Variants in ERMARD observed in about 807,000 individuals in gnomAD.
The protein encoded by ERMARD is ER membrane associated RNA degradation, also known as endoplasmic reticulum membrane-associated RNA degradation protein.
In ERMARD, 71 loss-of-function variants were observed where a neutral mutation model predicts 83.9. The observed-to-expected ratio is 0.85, with a 90% CI of 0.70 to 1.03. The LOEUF (loss-of-function observed/expected upper bound fraction) is 1.03. Ranked by LOEUF, ERMARD falls within the 50% of genes least tolerant of loss-of-function variation. The pLI, the probability that ERMARD is intolerant of heterozygous loss-of-function variation, is 0.00. For synonymous variants in ERMARD, 284 were observed against 298.6 expected (o/e 0.95, Z 0.50); for missense variants, 838 against 810.9 (o/e 1.03, Z -0.41).
intron 11 of ERMARD, among the ~76,000 whole-genome samples, chr6:169,768,637 A>G (rs906976189): frequency 6.6e-6 from 1 of 151,736 alleles, no homozygotes; most frequent in Non-Finnish European, 1.5e-5. Context: ...GCACCCACCT[A>G]CTCCTGAGTC....
At chr6:169,778,633 A>G (rs1466766662) in intron 16 of ERMARD, among the ~76,000 whole-genome samples, 1 of 152,112 alleles carries the variant, frequency 6.6e-6, no homozygotes, top group African/African-American at 2.4e-5. Context: ...CTCAATTTAC[A>G]CTCTTACCAG....
At position 169,775,306 on chromosome 6, in the gene ERMARD, C is replaced by T; in HGVS notation, c.1354C>T (p.Leu452=). ...SCEESIRVWA[L]LPFPEELTRQ... is the part of the protein sequence containing the mutation. ...TGAGGAGAGCATCAGGGTTTGGGCT[C>T]TGCTGCCTTTCCCCGAAGAACTCAC... Residue 452 remains leucine (L), a synonymous_variant, in exon 14 of 18, where the codon CTG becomes TTG. Coordinates refer to ENST00000366773, the MANE Select transcript of ERMARD (RefSeq NM_018341.3). 6.2e-7 allele frequency: 1 copy of T among 1,614,230 alleles called. No individual in the cohort carries two copies. Among genetic ancestry groups the T allele is most frequent in the Non-Finnish European group, 8.5e-7 (1 of 1,180,038 alleles).
At chr6:169,779,065 T>C in intron 16 of ERMARD, 117 bp from the exon 17 acceptor site, 3 of 941,980 alleles carry the variant, frequency 3.2e-6, no homozygotes, top group Non-Finnish European at 4.9e-6. Context: ...ATTAGGAAAA[T>C]TATTTTTTGA....
Position 169,765,864 on chromosome 6 carries a change from AAAT to A in ERMARD, c.961-773_961-771del, listed in dbSNP as rs1436098322. On this transcript the variant is annotated intron_variant, in intron 9 of 17. Coordinates refer to ENST00000366773, the MANE Select transcript of ERMARD (RefSeq NM_018341.3). ...CCGTGCAGCCAATCCTCATGCTGTC[AAAT>A]CTCACTGAAGTGATTTCATCAGGCT... Among the ~76,000 whole-genome samples, 365 of 101,006 alleles carry A rather than the reference AAAT, an allele frequency of 3.6e-3. 10 individuals carry two copies. The highest frequency in any genetic ancestry group is 0.017 in the African/African-American group (358 of 21,632). 66.3% of individuals were successfully genotyped at this position (101,006 alleles called of 152,430 possible).
upstream of ERMARD, chr6:169,751,503 G>A (rs558334390): frequency 5.0e-5 from 80 of 1,611,162 alleles, no homozygotes; most frequent in Admixed American, 7.9e-4. Context: ...CTTCACCGCC[G>A]GCGGTCAAAC....
At position 169,776,060 on chromosome 6, in the gene ERMARD, T is replaced by C; in HGVS notation, c.1515T>C (p.Thr505=). 1 of 1,613,534 alleles carries C rather than the reference T, an allele frequency of 6.2e-7. No individual in the cohort carries two copies. The highest frequency in any genetic ancestry group is 8.5e-7 in the Non-Finnish European group (1 of 1,179,848). ...TAAAGGACTTGGATCGTCTTCCTAC[T>C]GAGACGTAAGTTCCAGGACATCCTG... ...CVLKDLDRLP[T]ETWPQLLREL... The change falls in exon 15 of 18, where the codon ACT becomes ACC. Residue 505 remains threonine, a synonymous_variant. Transcript: ENST00000366773.
In ERMARD at chr6:169,779,298, A is replaced by G. The variant is rs1562355331; in HGVS notation, c.1853+3A>G. The G allele has an allele frequency of 6.2e-6, 10 of 1,612,952 alleles. No individual in the cohort carries two copies. The Admixed American group carries it at 1.2e-4, about 19-fold the overall frequency. On this transcript the variant is annotated splice_donor_region_variant and intron_variant, in intron 17 of 17. Coordinates refer to ENST00000366773, the MANE Select transcript of ERMARD (RefSeq NM_018341.3). ...CATGAGTATCAGCAGTACCTAAAGT[A>G]AGTGTGTCACAGTATGTCTGCAGTC...
intron 13 of ERMARD, among the ~76,000 whole-genome samples, chr6:169,774,057 T>C (rs890907801): frequency 5.9e-5 from 9 of 152,314 alleles, no homozygotes; most frequent in Admixed American, 2.0e-4. Flanking sequence ...GCCTAGAGGC[T>C]GGGCGCAGTG....
At chr6:169,758,205 C>T (rs2128343426) in intron 5 of ERMARD, among the ~76,000 whole-genome samples, 1 of 152,366 alleles carries the variant, frequency 6.6e-6, no homozygotes, top group East Asian at 1.9e-4. Context: ...TGCATGAAGA[C>T]AGTGTTCACT....
chr6:169,755,331 G>T lies in ERMARD; in HGVS notation c.224G>T (p.Cys75Phe). The change falls in exon 3 of 18, where the codon TGT (cysteine) becomes TTT (phenylalanine). Residue 75 changes from cysteine to phenylalanine, a missense_variant. Coordinates refer to ENST00000366773, the MANE Select transcript of ERMARD (RefSeq NM_018341.3). ...AGCGTGAGGCTGCTGGGCCCTGTGT[G>T]TGAGGCTGTCCATTCACATTTCTTA... ...WGSVRLLGPV[C>F]EAVHSHFLSL... 6.2e-7 allele frequency: 1 copy of T among 1,614,212 alleles called. No individual in the cohort carries two copies. The highest frequency in any genetic ancestry group is 8.5e-7 in the Non-Finnish European group (1 of 1,180,038).
At chr6:169,752,674 C>A (rs1790284280) in intron 1 of ERMARD, among the ~76,000 whole-genome samples, 1 of 152,158 alleles carries the variant, frequency 6.6e-6, no homozygotes, top group Non-Finnish European at 1.5e-5. Context: ...ATGACTGTCA[C>A]AACACAGCCC....
intron 9 of ERMARD, 105 bp downstream of exon 9, chr6:169,762,636 G>A: frequency 1.1e-6 from 1 of 916,718 alleles, no homozygotes; most frequent in Non-Finnish European, 1.7e-6. Context: ...ACATTAAAAT[G>A]ATTTTAATTT....
At chr6:169,755,570 T>C in intron 3 of ERMARD, 148 bp downstream of exon 3, 1 of 921,620 alleles carries the variant, frequency 1.1e-6, no homozygotes. Flanking sequence ...CCTGGGCTAT[T>C]ATGCAGGGTC....
At chr6:169,762,297 A>T (rs1476529629) in intron 8 of ERMARD, 132 bp from the exon 9 acceptor site, 22 of 762,326 alleles carry the variant, frequency 2.9e-5, no homozygotes, top group Non-Finnish European at 2.1e-6. Context: ...CTGGTCTTGA[A>T]CTCCTAGCCT....
At chr6:169,780,480 G>A (rs918022873) in intron 17 of ERMARD, among the ~76,000 whole-genome samples, 1 of 152,210 alleles carries the variant, frequency 6.6e-6, no homozygotes, top group African/African-American at 2.4e-5. Context: ...AAGTAAAGAT[G>A]ACATTTATTG....
rs1794193484 is a variant in ERMARD, at chr6:169,781,485, A to G, written c.2009A>G (p.Lys670Arg). 1.2e-6 allele frequency: 2 copies of G among 1,603,786 alleles called. No individual in the cohort carries two copies. Among genetic ancestry groups the G allele is most frequent in the East Asian group, 2.2e-5 (1 of 44,768 alleles). ...AAACAAATGTTAATACATTTAGCCA[A>G]GAAATCCACAAGTAAAGTACTCTTA... ...EKKQMLIHLA[K>R]KSTSKVLL The change falls in exon 18 of 18, where the codon AAG becomes AGG. Residue 670 changes from lysine to arginine, a missense_variant. Lys to Arg is a conservative substitution (Grantham distance 26). Coordinates refer to ENST00000366773, the MANE Select transcript of ERMARD (RefSeq NM_018341.3).
In ERMARD at chr6:169,768,268, A is replaced by G; in HGVS notation, c.1059+97A>G. ...ATTAATTTTGGCTTGTGGTTTGCTC[A>G]AGAAAAATACTTCTGAAACATTGCT... On this transcript the variant is annotated intron_variant, in intron 11 of 17. Coordinates refer to ENST00000366773, the MANE Select transcript of ERMARD (RefSeq NM_018341.3). 4 of 1,108,136 alleles carry G rather than the reference A, an allele frequency of 3.6e-6. No homozygotes were observed. The South Asian group carries it at 5.5e-5, about 15-fold the overall frequency. The allele number at this position is 1,108,136 out of a possible 1,614,324, so 68.6% of individuals were successfully genotyped here. A position where few individuals can be genotyped will look rare whatever the true frequency, so the allele number is the denominator to read the frequency against.
intron 1 of ERMARD, among the ~76,000 whole-genome samples, chr6:169,752,864 G>A (rs1258440659): frequency 2.6e-5 from 4 of 152,164 alleles, no homozygotes; most frequent in Non-Finnish European, 5.9e-5. Context: ...TGGCAGGGAA[G>A]GCTAAACTTT....
chr6:169,755,687 T>G, intron 3 of ERMARD: 1 of 392,654 alleles, frequency 2.5e-6, no homozygotes. Context: ...ACGGTGCCCA[T>G]CCAAGGATAG....
Sources: allele counts gnomAD v4.1 joint callset (sites outside exome capture counted in the v4.1 genomes callset), GRCh38; gene constraint gnomAD v4.1.1; transcripts MANE v1.5; gene names NCBI Gene and HGNC (gene_info 2026-07-23, HGNC 2026-07-21).